Variants in SHANK2 observed in about 807,000 individuals in gnomAD.
SHANK2 encodes the protein SH3 and multiple ankyrin repeat domains 2, also known as SH3 and multiple ankyrin repeat domains protein 2.
Under a neutral mutation model 133.7 loss-of-function variants are expected in SHANK2, and 43 were observed. That is an observed-to-expected ratio of 0.32 (90% confidence interval 0.25 to 0.41). The LOEUF is 0.41. Ranked by LOEUF, SHANK2 falls within the 10% of genes least tolerant of loss-of-function variation. SHANK2 has a pLI of 1.00. For missense variants in SHANK2, 1,994 were observed against 2,235.8 expected, an observed-to-expected ratio of 0.89 and a Z score of 2.18; for synonymous variants, 1,017 against 952.8, an observed-to-expected ratio of 1.07 and a Z score of -1.24.
chr11:71,219,974 A>G (rs1173321363), intron 2 of SHANK2, among the ~76,000 whole-genome samples: 1 of 152,274 alleles, frequency 6.6e-6, no homozygotes, highest in East Asian at 1.9e-4. Context: ...CTGTAATTCT[A>G]GCACTTGGGG....
In SHANK2 at chr11:70,500,562, TC is replaced by T. The variant is rs782577492; in HGVS notation, c.2308+7del. 5 of 1,602,516 alleles carry T rather than the reference TC, an allele frequency of 3.1e-6. No individual in the cohort carries two copies. The highest frequency in any genetic ancestry group is 2.3e-5 in the East Asian group (1 of 44,434). ...AGGGGGCTGAGACAGACACTGGGCC[TC>T]CCTTACCCTTCTTCTTCCGGACCGA... On this transcript the variant is annotated splice_region_variant and intron_variant, in intron 21 of 25. Coordinates refer to ENST00000601538, the MANE Select transcript of SHANK2 (RefSeq NM_012309.5). The surrounding 1 kb of genome is among the most constrained non-coding windows in gnomAD (Gnocchi z 4.5).
chr11:70,898,096 G>A (rs1555076015), intron 10 of SHANK2, among the ~76,000 whole-genome samples: 1 of 151,062 alleles, frequency 6.6e-6, no homozygotes. Context: ...CTGAGTATCT[G>A]GAATTACAGG....
At chr11:71,182,435 C>G (rs1026983253) in intron 2 of SHANK2, among the ~76,000 whole-genome samples, 5 of 152,144 alleles carry the variant, frequency 3.3e-5, no homozygotes, top group African/African-American at 9.7e-5. Context: ...GCCAGAAGTC[C>G]AAGATCATGG....
intron 17 of SHANK2, among the ~76,000 whole-genome samples, chr11:70,635,873 C>T (rs1236157231): frequency 6.6e-6 from 1 of 152,232 alleles, no homozygotes; most frequent in Admixed American, 6.5e-5. Flanking sequence ...TGCTCAAGGG[C>T]CTCCAATGGC....
At chr11:70,520,552 C>T (rs1554970835) in intron 17 of SHANK2, among the ~76,000 whole-genome samples, 1 of 152,192 alleles carries the variant, frequency 6.6e-6, no homozygotes, top group African/African-American at 2.4e-5. Flanking sequence ...TGGCCCTGCT[C>T]GCCTGGCCAA....
At chr11:70,653,967 A>T (rs2061372400) in intron 17 of SHANK2, among the ~76,000 whole-genome samples, 1 of 152,198 alleles carries the variant, frequency 6.6e-6, no homozygotes, top group Admixed American at 6.5e-5. Flanking sequence ...CGAGGAAAAC[A>T]CCAGGGCATC....
At chr11:70,928,630 G>A (rs934867570) in intron 10 of SHANK2, among the ~76,000 whole-genome samples, 1 of 152,010 alleles carries the variant, frequency 6.6e-6, no homozygotes, top group Admixed American at 6.5e-5. Flanking sequence ...AAGACTGGGT[G>A]GGGGCATAGG....
intron 11 of SHANK2, among the ~76,000 whole-genome samples, chr11:70,846,551 C>T (rs1014329724): frequency 1.3e-5 from 2 of 152,182 alleles, no homozygotes; most frequent in African/African-American, 2.4e-5. Flanking sequence ...CTGCTGCGCT[C>T]GGCCTCATCT....
At chr11:70,511,048 G>A (rs535120030) in intron 17 of SHANK2, among the ~76,000 whole-genome samples, 134 of 152,344 alleles carry the variant, frequency 8.8e-4, no homozygotes, top group African/African-American at 2.8e-3. Flanking sequence ...AAAGCTGTGC[G>A]TCGTGTGGCT....
chr11:70,504,876 C>T (rs1178063331), intron 17 of SHANK2, among the ~76,000 whole-genome samples: 3 of 152,116 alleles, frequency 2.0e-5, no homozygotes, highest in East Asian at 1.9e-4. Flanking sequence ...CACGCGTTAT[C>T]GGGTTCTCTC....
intron 10 of SHANK2, among the ~76,000 whole-genome samples, chr11:70,951,933 G>C (rs146273218): frequency 2.0e-5 from 3 of 152,348 alleles, no homozygotes; most frequent in Admixed American, 2.0e-4. Flanking sequence ...CATCTTTCAA[G>C]ATTAGGGCCT....
At position 70,517,684 on chromosome 11, in the gene SHANK2, C is replaced by G. The variant is rs931766792; in HGVS notation, c.2062-14753G>C. 2.0e-5 allele frequency among the ~76,000 whole-genome samples: 3 copies of G among 152,176 alleles called. No individual in the cohort carries two copies. In the East Asian group the frequency reaches 5.8e-4, roughly 29 times the overall value. On this transcript the variant is annotated intron_variant, in intron 17 of 25. Transcript: ENST00000601538. Reference sequence around the variant, plus strand: ...CAAACTATGGAGAAGGTAAAAAGATCAGTGGTTGCCAAGGGCTCAGGGGGA... The same window carrying G: ...CAAACTATGGAGAAGGTAAAAAGATGAGTGGTTGCCAAGGGCTCAGGGGGA...
intron 17 of SHANK2, among the ~76,000 whole-genome samples, chr11:70,541,626 C>T (rs781964440): frequency 1.6e-4 from 24 of 152,208 alleles, no homozygotes; most frequent in African/African-American, 5.1e-4. Flanking sequence ...TCTGAGAGCC[C>T]GGTTTATGGC....
chr11:70,531,954 C>T (rs996800096), intron 17 of SHANK2, among the ~76,000 whole-genome samples: 97 of 152,252 alleles, frequency 6.4e-4, no homozygotes, highest in East Asian at 1.7e-3. Context: ...CTGCCTGGAC[C>T]GTGGTGTGTA....
chr11:70,698,778 A>T lies in SHANK2; in HGVS notation c.1778-15T>A, dbSNP rs1555022942. 1 of 718,556 alleles carries T rather than the reference A, an allele frequency of 1.4e-6. No individual in the cohort carries two copies. The highest frequency in any genetic ancestry group is 1.5e-5 in the South Asian group (1 of 67,594). The allele number at this position is 718,556 out of a possible 1,614,324, so 44.5% of individuals were successfully genotyped here. ...AGCGCGGGTTTCTGTACAGAGAGGGAAGAGAAACACCATTCAGAAAAGTCA... is the reference window on the plus strand; with the variant it reads ...AGCGCGGGTTTCTGTACAGAGAGGGTAGAGAAACACCATTCAGAAAAGTCA... On this transcript the variant is annotated splice_polypyrimidine_tract_variant and intron_variant, in intron 14 of 25. Transcript: ENST00000601538.
At chr11:71,079,244 A>G (rs1219509819) in intron 8 of SHANK2, among the ~76,000 whole-genome samples, 10 of 152,196 alleles carry the variant, frequency 6.6e-5, no homozygotes, top group Non-Finnish European at 1.2e-4. Flanking sequence ...AAAATCTTCA[A>G]AACAGTCACA....
intron 17 of SHANK2, among the ~76,000 whole-genome samples, chr11:70,556,894 A>T (rs1430495939): frequency 3.3e-5 from 5 of 150,708 alleles, no homozygotes; most frequent in South Asian, 4.2e-4. Context: ...CTCATTTTAA[A>T]TTTTTTTTGG....
intron 10 of SHANK2, among the ~76,000 whole-genome samples, chr11:70,901,073 C>G (rs375144413): frequency 1.6e-4 from 24 of 152,194 alleles, no homozygotes; most frequent in African/African-American, 5.5e-4. Context: ...TTGATCTTAA[C>G]AGCTCTATGA....
chr11:70,765,173 C>T (rs529391165), intron 14 of SHANK2, among the ~76,000 whole-genome samples: 4 of 152,280 alleles, frequency 2.6e-5, no homozygotes, highest in East Asian at 1.9e-4. Context: ...TTATAGCCCA[C>T]GTCTGTGTGC....
Sources: gnomAD v4.1 joint callset for allele counts (sites outside exome capture counted in the v4.1 genomes callset) on GRCh38, gnomAD v4.1.1 for gene constraint, Gnocchi (gnomAD v3.1) non-coding constraint, MANE v1.5 for transcripts, NCBI Gene and HGNC (gene_info 2026-07-23, HGNC 2026-07-21) for gene names.